Variants in MAP3K9 observed in about 807,000 individuals in gnomAD.
MAP3K9 encodes the protein mixed lineage kinase 1 (tyr and ser/thr specificity).
In MAP3K9, 46 loss-of-function variants were observed where a neutral mutation model predicts 95.8. That is an observed-to-expected ratio of 0.48 (90% CI 0.38 to 0.61). The LOEUF (loss-of-function observed/expected upper bound fraction) is 0.61. Ranked by LOEUF, MAP3K9 falls within the 20% of genes least tolerant of loss-of-function variation. The pLI, the probability that MAP3K9 is intolerant of heterozygous loss-of-function variation, is 0.00. For synonymous variants in MAP3K9, 533 were observed against 593.8 expected (o/e 0.90, Z 1.49); for missense variants, 1,296 against 1,474.3 (o/e 0.88, Z 1.98).
At chr14:70,740,362 T>C (rs2054053198) in intron 6 of MAP3K9, among the ~76,000 whole-genome samples, 198 bp from the exon 7 acceptor site, 1 of 152,224 alleles carries the variant, frequency 6.6e-6, no homozygotes, top group African/African-American at 2.4e-5. Flanking sequence ...TATAAAAAGA[T>C]GGAAAATTCA....
At chr14:70,760,140 T>G (rs1381678283) in intron 3 of MAP3K9, among the ~76,000 whole-genome samples, 1 of 41,960 alleles carries the variant, frequency 2.4e-5, no homozygotes, top group Admixed American at 2.7e-4. Context: ...AAAATAAACG[T>G]GCACACACAC....
intron 1 of MAP3K9, among the ~76,000 whole-genome samples, chr14:70,803,197 G>A (rs2054950323): frequency 6.6e-6 from 1 of 151,898 alleles, no homozygotes. Flanking sequence ...CTGGTGCCAT[G>A]CTTCCCGTAC....
intron 8 of MAP3K9, 120 bp downstream of exon 8, chr14:70,738,125 T>C (rs1025266875): frequency 1.8e-6 from 2 of 1,116,280 alleles, no homozygotes; most frequent in Admixed American, 5.7e-5. Flanking sequence ...ATCAAGAAGC[T>C]TGTAATTTCT....
At chr14:70,738,718 T>C (rs1388504061) in intron 7 of MAP3K9, among the ~76,000 whole-genome samples, 1 of 151,650 alleles carries the variant, frequency 6.6e-6, no homozygotes, top group Non-Finnish European at 1.5e-5. Flanking sequence ...TGGGATTGGG[T>C]AGTGAGCAAA....
At chr14:70,748,094 G>A (rs1274699037) in intron 5 of MAP3K9, among the ~76,000 whole-genome samples, 4 of 127,776 alleles carry the variant, frequency 3.1e-5, no homozygotes, top group East Asian at 2.2e-4. Context: ...GCGACAGAGC[G>A]AGACTGTCTC....
At chr14:70,754,859 T>C in intron 3 of MAP3K9, among the ~76,000 whole-genome samples, 1 of 152,122 alleles carries the variant, frequency 6.6e-6, no homozygotes, top group South Asian at 2.1e-4. Context: ...TGTGGGACGA[T>C]GCCCTCTGAC....
chr14:70,749,077 T>C, intron 4 of MAP3K9, 73 bp from the exon 5 acceptor site: 1 of 1,408,640 alleles, frequency 7.1e-7, no homozygotes. Flanking sequence ...GGCTATTACA[T>C]GGCCTCACTT....
chr14:70,789,091 A>C (rs2054779114), intron 2 of MAP3K9, among the ~76,000 whole-genome samples: 1 of 152,208 alleles, frequency 6.6e-6, no homozygotes, highest in South Asian at 2.1e-4. Flanking sequence ...TGTCCCATTC[A>C]ATCAAGCCAA....
rs779963503 is a variant in MAP3K9, at chr14:70,749,939, T to C, written c.1144A>G (p.Met382Val). Residue 382 changes from methionine (M) to valine (V), a missense_variant, in exon 4 of 12, where the codon ATG (methionine) becomes GTG (valine). This residue lies in a region of MAP3K9 where 136 missense variants were observed against 221.5 expected (regional missense o/e 0.61). Transcript: ENST00000554752. ...STCPEPFAKL[M>V]EDCWNPDPHS... ...CAGGCCAGGGCTTACTTACCTTCCA[T>C]GAGTTTGGCAAAAGGTTCTGGGCAC... The C allele has an allele frequency of 3.1e-6, 5 of 1,614,132 alleles. No individual in the cohort carries two copies. The South Asian group carries it at 5.5e-5, about 18-fold the overall frequency.
At chr14:70,802,402 C>G (rs904744131) in intron 1 of MAP3K9, among the ~76,000 whole-genome samples, 2 of 152,154 alleles carry the variant, frequency 1.3e-5, no homozygotes, top group African/African-American at 4.8e-5. Context: ...GAATTTGAAC[C>G]TAAGGTACTT....
At chr14:70,806,933 A>G (rs970968141) in intron 1 of MAP3K9, among the ~76,000 whole-genome samples, 3 of 152,196 alleles carry the variant, frequency 2.0e-5, no homozygotes, top group African/African-American at 7.2e-5. Flanking sequence ...CTTTCAAAAC[A>G]CTATGCCAGG....
rs1227606511 is a variant in MAP3K9, at chr14:70,742,509, T to C, written c.1409A>G (p.Gln470Arg). ...GTCAATCTCCCGCTCGGCCAGCTCC[T>C]GCTCCCGACGCCGCAGCAGTTCCTC... ...NQEELLRRRE[Q>R]ELAEREIDIL... The change falls in exon 6 of 12, where the codon CAG (glutamine) becomes CGG (arginine). Residue 470 changes from glutamine (Q) to arginine (R), a missense_variant. Gln to Arg is a conservative substitution (Grantham distance 43, BLOSUM62 1). This residue lies in a region of MAP3K9 where 377 missense variants were observed against 417.1 expected (regional missense o/e 0.90). Transcript: ENST00000554752. The C allele has an allele frequency of 1.9e-6, 3 of 1,614,234 alleles. No homozygotes were observed. The highest frequency in any genetic ancestry group is 1.7e-5 in the Admixed American group (1 of 60,026).
At chr14:70,733,825 G>A in intron 10 of MAP3K9, 1 of 718,084 alleles carries the variant, frequency 1.4e-6, no homozygotes, top group Non-Finnish European at 2.6e-6. Flanking sequence ...AGAAAAAGGG[G>A]GATGCTCAGT....
intron 2 of MAP3K9, among the ~76,000 whole-genome samples, chr14:70,770,720 A>G (rs1322539108): frequency 6.6e-6 from 1 of 152,080 alleles, no homozygotes; most frequent in Non-Finnish European, 1.5e-5. Context: ...TAAGTTGGTG[A>G]TGACATTCTG....
chr14:70,763,968 G>A (rs1417563679), intron 2 of MAP3K9, among the ~76,000 whole-genome samples: 1 of 150,776 alleles, frequency 6.6e-6, no homozygotes, highest in East Asian at 2.0e-4. Flanking sequence ...GGTGGATCAT[G>A]AGGTCAGGAG....
At chr14:70,749,152 G>C in intron 4 of MAP3K9, 148 bp from the exon 5 acceptor site, 1 of 711,774 alleles carries the variant, frequency 1.4e-6, no homozygotes, top group Non-Finnish European at 2.3e-6. Flanking sequence ...CTCAAATAAG[G>C]CTCAGGAAGT....
At chr14:70,789,412 G>C (rs1295953020) in intron 2 of MAP3K9, among the ~76,000 whole-genome samples, 1 of 152,128 alleles carries the variant, frequency 6.6e-6, no homozygotes, top group Admixed American at 6.6e-5. Flanking sequence ...AACAAGGAAT[G>C]GAAAGAAGTT....
chr14:70,777,819 C>A (rs766431754), intron 2 of MAP3K9, among the ~76,000 whole-genome samples: 1 of 152,224 alleles, frequency 6.6e-6, no homozygotes, highest in Non-Finnish European at 1.5e-5. Flanking sequence ...GCCTCTAAGA[C>A]ATAACCAACA....
At chr14:70,747,362 T>G (rs1310744814) in intron 5 of MAP3K9, among the ~76,000 whole-genome samples, 3 of 152,160 alleles carry the variant, frequency 2.0e-5, no homozygotes, top group Non-Finnish European at 4.4e-5. Flanking sequence ...GCTGGGCACT[T>G]ATTTCTTCTT....
Sources: gnomAD v4.1 joint callset for allele counts (sites outside exome capture counted in the v4.1 genomes callset) on GRCh38, gnomAD v4.1.1 for gene constraint, gnomAD v4.1.1 regional missense constraint, MANE v1.5 for transcripts, NCBI Gene and HGNC (gene_info 2026-07-23, HGNC 2026-07-21) for gene names.